Variants in CNNM2 observed in about 807,000 individuals in gnomAD.
The protein encoded by CNNM2 is metal transporter CNNM2.
Under a neutral mutation model 66.9 loss-of-function variants are expected in CNNM2, and 12 were observed. The observed-to-expected ratio is 0.18, with a 90% CI of 0.11 to 0.29. The LOEUF is 0.29. Ranked by LOEUF, CNNM2 falls within the 10% of genes least tolerant of loss-of-function variation. CNNM2 has a pLI of 1.00. For synonymous variants in CNNM2, 557 were observed against 501.8 expected, an observed-to-expected ratio of 1.11 and a Z score of -1.47; for missense variants, 705 against 1,167.7, an observed-to-expected ratio of 0.60 and a Z score of 5.77.
At chr10:102,939,625 A>G (rs1462899259) in intron 1 of CNNM2, among the ~76,000 whole-genome samples, 1 of 151,882 alleles carries the variant, frequency 6.6e-6, no homozygotes, top group Non-Finnish European at 1.5e-5. Context: ...TTCTTTTTCC[A>G]TCTTGAGAAG....
At chr10:102,999,650 C>T (rs1387534261) in intron 1 of CNNM2, among the ~76,000 whole-genome samples, 1 of 151,212 alleles carries the variant, frequency 6.6e-6, no homozygotes, top group African/African-American at 2.4e-5. Context: ...GGCTGCCCTT[C>T]CCCCCCCACC....
chr10:103,043,536 G>A lies in CNNM2; in HGVS notation c.1622-6171G>A, dbSNP rs79418969. On this transcript the variant is annotated intron_variant, in intron 1 of 7. Coordinates refer to ENST00000369878, the MANE Select transcript of CNNM2 (RefSeq NM_017649.5). ...AAATTTGAGCCTAGAAGTATGGTAA[G>A]GTTAAAAGATGCAAATGTGGTAATC... Among the ~76,000 whole-genome samples the A allele has an allele frequency of 3.9e-4, 59 of 152,312 alleles. No individual in the cohort carries two copies. In the East Asian group the frequency reaches 0.011, roughly 28 times the overall value.
intron 1 of CNNM2, among the ~76,000 whole-genome samples, chr10:103,025,423 T>C (rs1214685619): frequency 6.6e-6 from 1 of 152,206 alleles, no homozygotes; most frequent in Non-Finnish European, 1.5e-5. Flanking sequence ...GCTTTCTTCT[T>C]TGGGATTAGC....
chr10:102,950,721 TC>T (rs2134190844), intron 1 of CNNM2, among the ~76,000 whole-genome samples: 1 of 151,676 alleles, frequency 6.6e-6, no homozygotes, highest in South Asian at 2.1e-4. Context: ...ACCAGTACAC[TC>T]CAGCCTGGAC....
At position 102,918,683 on chromosome 10, in the gene CNNM2, A is replaced by G; in HGVS notation, c.203A>G (p.Glu68Gly). Reference sequence around the variant, plus strand: ...GCGGGCGGCTGCGCAGCGGTGGGCGAGAATGAGGAGACGGTGATCATCGGG... The same window carrying G: ...GCGGGCGGCTGCGCAGCGGTGGGCGGGAATGAGGAGACGGTGATCATCGGG... ...CGAGGCAAVG[E>G]NEETVIIGLR... Residue 68 changes from glutamate (E) to glycine (G), a missense_variant, in exon 1 of 8, where the codon GAG (glutamate) becomes GGG (glycine). Physicochemically the swap from Glu to Gly is moderately conservative, Grantham distance 98. This residue lies in a region of CNNM2 where 37 missense variants were observed against 58.5 expected (regional missense o/e 0.63). Coordinates refer to ENST00000369878, the MANE Select transcript of CNNM2 (RefSeq NM_017649.5). This position sits in a 1 kb window ranked among gnomAD's most constrained non-coding sequence, Gnocchi z 4.1. 1 of 1,554,478 alleles carries G rather than the reference A, an allele frequency of 6.4e-7. No homozygotes were observed. Among genetic ancestry groups the G allele is most frequent in the Non-Finnish European group, 8.7e-7 (1 of 1,149,678 alleles).
In CNNM2 at chr10:102,919,281, C is replaced by T. The variant is rs367789750; in HGVS notation, c.801C>T (p.Cys267=). 6.3e-5 allele frequency: 102 copies of T among 1,613,784 alleles called. No homozygotes were observed. The Admixed American group carries it at 8.3e-4, about 13-fold the overall frequency. The part of the protein sequence containing the change: ...LQVIFISLLL[C]LSGMFSGLNL... ...TGATCTTCATTTCGCTGCTGCTGTG[C>T]CTGTCGGGCATGTTCAGCGGCCTCA... Residue 267 remains cysteine, a synonymous_variant, in exon 1 of 8, where the codon TGC becomes TGT. Transcript: ENST00000369878.
Position 102,920,005 on chromosome 10 carries a change from AC to A in CNNM2, c.1531del (p.Leu511Ter). 6.2e-7 allele frequency: 1 copy of A among 1,613,996 alleles called. No individual in the cohort carries two copies. Among genetic ancestry groups the A allele is most frequent in the East Asian group, 2.2e-5 (1 of 44,876 alleles). ...DLAFVDPDDC[T>X]PLKTITKFYN... ...GGCCTTCGTGGATCCCGATGACTGTACCCCCCTGAAAACCATCACCAAATTT... is the reference window on the plus strand; with the variant it reads ...GGCCTTCGTGGATCCCGATGACTGTACCCCCTGAAAACCATCACCAAATTT... On this transcript the variant is annotated frameshift_variant, in exon 1 of 8. Transcript: ENST00000369878. LOFTEE classifies it high-confidence loss of function.
Position 103,072,591 on chromosome 10 carries a change from C to G in CNNM2, c.2233+752C>G, listed in dbSNP as rs535817439. Among the ~76,000 whole-genome samples, 31 of 152,346 alleles carry G rather than the reference C, an allele frequency of 2.0e-4. No homozygotes were observed. In the South Asian group the frequency reaches 5.8e-3, roughly 29 times the overall value. On this transcript the variant is annotated intron_variant, in intron 6 of 7. Transcript: ENST00000369878. ...GTGAACACCCGGCACATTCCTATCC[C>G]GCTGCTGCCGACTGCCCTGCAGGAG...
intron 4 of CNNM2, among the ~76,000 whole-genome samples, chr10:103,066,375 G>A (rs1393676657): frequency 6.6e-6 from 1 of 152,020 alleles, no homozygotes; most frequent in African/African-American, 2.4e-5. Flanking sequence ...CTATACTCCT[G>A]TCTCCCTGAT....
intron 1 of CNNM2, among the ~76,000 whole-genome samples, chr10:102,956,161 G>A (rs549252334): frequency 5.7e-4 from 86 of 152,120 alleles, no homozygotes; most frequent in African/African-American, 1.9e-3. Context: ...GGTGGCGGGC[G>A]CCTGTAGTCC....
chr10:103,050,640 G>T (rs896016185), intron 2 of CNNM2, among the ~76,000 whole-genome samples: 1 of 152,104 alleles, frequency 6.6e-6, no homozygotes, highest in Admixed American at 6.6e-5. Flanking sequence ...GGTGAGATGT[G>T]CAAGTGTAGC....
intron 1 of CNNM2, among the ~76,000 whole-genome samples, chr10:102,938,378 C>T (rs1197230592): frequency 4.0e-5 from 6 of 150,844 alleles, no homozygotes; most frequent in East Asian, 3.9e-4. Flanking sequence ...CAGGAGGCGG[C>T]GCTTGCAGTG....
intron 1 of CNNM2, among the ~76,000 whole-genome samples, chr10:102,954,541 G>A (rs1241384468): frequency 1.3e-5 from 2 of 152,142 alleles, no homozygotes; most frequent in Non-Finnish European, 2.9e-5. Context: ...CTCTTCAGAA[G>A]CGTTTGTTGA....
In CNNM2 at chr10:103,084,660, C is replaced by G. The variant is rs2065786618; in HGVS notation, c.*7480C>G. Reference sequence around the variant, plus strand: ...GATGAGATTTGCCTAAAACTCCCCCCTGCATCCTCAGAGTGCGCACACATC... The same window carrying G: ...GATGAGATTTGCCTAAAACTCCCCCGTGCATCCTCAGAGTGCGCACACATC... On this transcript the variant is annotated 3_prime_UTR_variant, in exon 8 of 8. Coordinates refer to ENST00000369878, the MANE Select transcript of CNNM2 (RefSeq NM_017649.5). 1 of 152,164 alleles carries G rather than the reference C, an allele frequency of 6.6e-6. No individual in the cohort carries two copies. The highest frequency in any genetic ancestry group is 1.5e-5 in the Non-Finnish European group (1 of 68,028). The allele number at this position is 152,164 out of a possible 1,614,324, so 9.4% of individuals were successfully genotyped here.
intron 1 of CNNM2, among the ~76,000 whole-genome samples, chr10:103,041,653 T>C (rs1435051347): frequency 6.6e-6 from 1 of 152,234 alleles, no homozygotes; most frequent in African/African-American, 2.4e-5. Context: ...ACAGTCTTTA[T>C]CTCCAGCATC....
intron 1 of CNNM2, among the ~76,000 whole-genome samples, chr10:102,974,351 G>T (rs1053060329): frequency 6.6e-6 from 1 of 152,160 alleles, no homozygotes; most frequent in Non-Finnish European, 1.5e-5. Context: ...ATAAGATGAA[G>T]TTTGACTGGA....
chr10:103,077,257 T>C lies in CNNM2; in HGVS notation c.*77T>C, dbSNP rs748153147. On this transcript the variant is annotated 3_prime_UTR_variant, in exon 8 of 8. Transcript: ENST00000369878. ...CGGCCCTGTCTGCCCATGACTTCACTGGTGTGAGCTTGTCCGCCATGCTGT... is the reference window on the plus strand; with the variant it reads ...CGGCCCTGTCTGCCCATGACTTCACCGGTGTGAGCTTGTCCGCCATGCTGT... 2.3e-6 allele frequency: 3 copies of C among 1,317,028 alleles called. No individual in the cohort carries two copies. The highest frequency in any genetic ancestry group is 3.2e-6 in the Non-Finnish European group (3 of 932,248). 81.6% of individuals were successfully genotyped at this position (1,317,028 alleles called of 1,614,324 possible). A position where few individuals can be genotyped will look rare whatever the true frequency, so the allele number is the denominator to read the frequency against.
intron 1 of CNNM2, among the ~76,000 whole-genome samples, chr10:103,012,639 CTTTTTTT>C (rs78646079): frequency 8.5e-6 from 1 of 118,072 alleles, no homozygotes; most frequent in East Asian, 2.4e-4. Flanking sequence ...CAGAGCAAGA[CTTTTTTT>C]TTTTTTTTTT....
At chr10:103,033,334 GC>G (rs1036054576) in intron 1 of CNNM2, among the ~76,000 whole-genome samples, 6 of 151,736 alleles carry the variant, frequency 4.0e-5, no homozygotes, top group Non-Finnish European at 7.4e-5. Context: ...GACTACAGGC[GC>G]CCACCACCAG....
Sources: gnomAD v4.1 joint callset for allele counts (sites outside exome capture counted in the v4.1 genomes callset) on GRCh38, gnomAD v4.1.1 for gene constraint, gnomAD v4.1.1 regional missense constraint, Gnocchi (gnomAD v3.1) non-coding constraint, MANE v1.5 for transcripts, NCBI Gene and HGNC (gene_info 2026-07-23, HGNC 2026-07-21) for gene names.